The following PTPRD variants were observed in gnomAD, a reference collection of about 807,000 sequenced individuals.
PTPRD encodes the protein receptor-type tyrosine-protein phosphatase delta.
Under a neutral mutation model 214.5 loss-of-function variants are expected in PTPRD, and 34 were observed. The ratio of observed to expected loss-of-function variants is 0.16; its 90% confidence interval spans 0.12 to 0.21. The LOEUF (loss-of-function observed/expected upper bound fraction) is 0.21, where lower values mean the gene tolerates loss of function less well. Ranked by LOEUF, PTPRD falls within the 10% of genes least tolerant of loss-of-function variation. The probability of loss-of-function intolerance (pLI) is 1.00; values close to 1 mark genes in which losing one functional copy is unlikely to be tolerated. For missense variants in PTPRD, 2,545 were observed against 2,398.7 expected (o/e 1.06, Z -1.27); for synonymous variants, 1,128 against 845.7 (o/e 1.33, Z -5.79).
intron 8 of PTPRD, among the ~76,000 whole-genome samples, chr9:9,417,906 A>T (rs1051821700): frequency 7.2e-5 from 11 of 152,122 alleles, no homozygotes; most frequent in African/African-American, 2.6e-4. Context: ...AGGCAAATAA[A>T]TCCTTCATTT....
At chr9:9,197,107 C>T (rs776439645) in intron 9 of PTPRD, among the ~76,000 whole-genome samples, 4 of 152,192 alleles carry the variant, frequency 2.6e-5, no homozygotes, top group African/African-American at 4.8e-5. Context: ...AGTTTTACCT[C>T]ACTCTGCCTT....
At chr9:10,561,035 T>A (rs1238619933) in intron 2 of PTPRD, among the ~76,000 whole-genome samples, 3 of 152,140 alleles carry the variant, frequency 2.0e-5, no homozygotes, top group Admixed American at 2.0e-4. Flanking sequence ...AGCCTAAAGT[T>A]GATTTTTTTC....
At chr9:10,572,481 T>C (rs1322793688) in intron 2 of PTPRD, among the ~76,000 whole-genome samples, 3 of 152,126 alleles carry the variant, frequency 2.0e-5, no homozygotes, top group African/African-American at 4.8e-5. Context: ...CTTGTTCCTA[T>C]GAGGTAAAGT....
At chr9:10,586,422 G>A (rs1304933505) in intron 2 of PTPRD, among the ~76,000 whole-genome samples, 1 of 151,848 alleles carries the variant, frequency 6.6e-6, no homozygotes, top group Non-Finnish European at 1.5e-5. Flanking sequence ...ATAGAAAAGA[G>A]CAATCATGAG....
rs1555374462 is a variant in PTPRD at position 9,946,047 on chromosome 9, T to TCATTTCCCAGTTGGGAAAGTCACCCTTC, written c.-471-7438_-471-7437insGAAGGGTGACTTTCCCAACTGGGAAATG. On this transcript the variant is annotated intron_variant, in intron 4 of 45. Transcript: ENST00000381196. ...TTAGAACTTGAGGAAGCCTTTTGGA[T>TCATTTCCCAGTTGGGAAAGTCACCCTTC]CCTTTCCCAGTTGGGAAAGTCATCC... is the stretch of plus-strand genomic sequence containing the variant. Among the ~76,000 whole-genome samples, 86 of 43,874 alleles carry TCATTTCCCAGTTGGGAAAGTCACCCTTC rather than the reference T, an allele frequency of 2.0e-3. No homozygotes were observed. In the African/African-American group the frequency reaches 0.025, roughly 13 times the overall value. The allele number at this position is 43,874 out of a possible 152,430, so 28.8% of individuals were successfully genotyped here. A position where few individuals can be genotyped will look rare whatever the true frequency, so the allele number is the denominator to read the frequency against.
intron 11 of PTPRD, among the ~76,000 whole-genome samples, chr9:8,869,328 G>C (rs2098253560): frequency 6.6e-6 from 1 of 152,140 alleles, no homozygotes; most frequent in African/African-American, 2.4e-5. Context: ...ATTTCTCCAA[G>C]AGTTAACATA....
intron 8 of PTPRD, among the ~76,000 whole-genome samples, chr9:9,496,134 T>C (rs1462941402): frequency 6.6e-6 from 1 of 152,112 alleles, no homozygotes; most frequent in Non-Finnish European, 1.5e-5. Flanking sequence ...TCTCAATGTG[T>C]CACAACTTTT....
At chr9:8,471,172 G>T in intron 30 of PTPRD, 87 bp from the exon 31 acceptor site, 2 of 1,054,746 alleles carry the variant, frequency 1.9e-6, no homozygotes, top group Non-Finnish European at 1.5e-6. Context: ...GACCAATGAG[G>T]TTGAAGGCAA....
rs183267170 is a variant in PTPRD, at chr9:9,712,395, A to T, written c.-287+22138T>A. On this transcript the variant is annotated intron_variant, in intron 7 of 45. Coordinates refer to ENST00000381196, the MANE Select transcript of PTPRD (RefSeq NM_002839.4). ...GAACATAAACTTTGATTGTAATTTA[A>T]TTAAAAAAAATTATTTTACTTTTTA... Among the ~76,000 whole-genome samples, 881 of 150,564 alleles carry T rather than the reference A, an allele frequency of 5.9e-3. 4 individuals are homozygous for T. Among genetic ancestry groups the T allele is most frequent in the Middle Eastern group, 0.01 (3 of 294 alleles).
chr9:8,436,437 C>T (rs942192414), intron 35 of PTPRD, among the ~76,000 whole-genome samples, 155 bp downstream of exon 35: 1 of 152,140 alleles, frequency 6.6e-6, no homozygotes, highest in Non-Finnish European at 1.5e-5. Flanking sequence ...CTTGTGCAGA[C>T]ACTTTTAAGT....
intron 6 of PTPRD, among the ~76,000 whole-genome samples, chr9:9,742,841 C>T (rs573484897): frequency 6.6e-6 from 1 of 152,254 alleles, no homozygotes; most frequent in African/African-American, 2.4e-5. Context: ...TTAAATTCAA[C>T]TACTATTGCT....
At chr9:8,601,070 G>C (rs1289674000) in intron 14 of PTPRD, among the ~76,000 whole-genome samples, 2 of 152,078 alleles carry the variant, frequency 1.3e-5, no homozygotes, top group East Asian at 3.9e-4. Flanking sequence ...TGACTGAAGA[G>C]CTTTTAGGCC....
At chr9:10,285,643 C>T (rs1377256867) in intron 3 of PTPRD, among the ~76,000 whole-genome samples, 1 of 138,928 alleles carries the variant, frequency 7.2e-6, no homozygotes, top group Non-Finnish European at 1.5e-5. Context: ...CAGAGTCTCG[C>T]TCTGTCGCCC....
chr9:8,835,864 T>C (rs1162685820), intron 11 of PTPRD, among the ~76,000 whole-genome samples: 4 of 152,106 alleles, frequency 2.6e-5, no homozygotes, highest in Non-Finnish European at 5.9e-5. Flanking sequence ...TACTCACCAT[T>C]ATGGATTCAT....
intron 4 of PTPRD, among the ~76,000 whole-genome samples, chr9:10,007,789 A>G (rs2096517617): frequency 6.6e-6 from 1 of 152,020 alleles, no homozygotes; most frequent in South Asian, 2.1e-4. Flanking sequence ...CTTGTCCAAA[A>G]TCAGAACTTG....
At chr9:9,446,083 T>A (rs995216678) in intron 8 of PTPRD, among the ~76,000 whole-genome samples, 4 of 152,190 alleles carry the variant, frequency 2.6e-5, no homozygotes, top group Non-Finnish European at 4.4e-5. Flanking sequence ...ATGAAAGCCA[T>A]GTGGTAAGAA....
At chr9:8,890,229 T>C (rs2098527196) in intron 11 of PTPRD, among the ~76,000 whole-genome samples, 1 of 152,196 alleles carries the variant, frequency 6.6e-6, no homozygotes, top group Non-Finnish European at 1.5e-5. Context: ...AAGACTTGCA[T>C]AGCAATTCAA....
At chr9:9,946,057 G>GTTGGGAAAGTCACCCTTCCCTTTCACAC (rs139387979) in intron 4 of PTPRD, among the ~76,000 whole-genome samples, 18 of 151,118 alleles carry the variant, frequency 1.2e-4, no homozygotes, top group African/African-American at 4.1e-4. Flanking sequence ...TCCTTTCCCA[G>GTTGGGAAAGTCACCCTTCCCTTTCACAC]TTGGGAAAGT....
At chr9:8,913,501 C>A (rs865992495) in intron 11 of PTPRD, among the ~76,000 whole-genome samples, 8 of 152,194 alleles carry the variant, frequency 5.3e-5, no homozygotes, top group Middle Eastern at 3.4e-3. Flanking sequence ...ATGAGGGGTT[C>A]TATTCTGAGT....
Sources: allele counts gnomAD v4.1 joint callset (sites outside exome capture counted in the v4.1 genomes callset), GRCh38; gene constraint gnomAD v4.1.1; transcripts MANE v1.5; gene names NCBI Gene and HGNC (gene_info 2026-07-23, HGNC 2026-07-21).